The following MSH6 variants were observed in gnomAD, a reference collection of about 807,000 sequenced individuals.
The protein encoded by MSH6 is mutS homolog 6, also known as DNA mismatch repair protein Msh6.
A neutral mutation model predicts 119.1 loss-of-function variants in MSH6; 85 were observed. The observed-to-expected ratio is 0.71, with a 90% CI of 0.60 to 0.85. The LOEUF (loss-of-function observed/expected upper bound fraction) is 0.85, where lower values mean the gene tolerates loss of function less well. MSH6 is among the 40% of genes least tolerant of loss of function. The probability of loss-of-function intolerance (pLI) is 0.00; values close to 1 mark genes in which losing one functional copy is unlikely to be tolerated. For synonymous variants in MSH6, 830 were observed against 586.9 expected (o/e 1.41, Z -5.99); for missense variants, 2,163 against 1,655.3 (o/e 1.31, Z -5.32).
At chr2:47,793,563 C>T (rs551661867) in intron 2 of MSH6, among the ~76,000 whole-genome samples, 6 of 150,524 alleles carry the variant, frequency 4.0e-5, no homozygotes, top group African/African-American at 1.2e-4. Context: ...GCCGAGATCG[C>T]GCCACTGCAC....
chr2:47,790,376 G>A (rs1319254680), intron 1 of MSH6, among the ~76,000 whole-genome samples: 2 of 152,192 alleles, frequency 1.3e-5, no homozygotes, highest in South Asian at 2.1e-4. Flanking sequence ...CTCAGTTGTT[G>A]ACTTGAGTTT....
downstream of MSH6, chr2:47,809,847 C>T (rs1670487562): frequency 1.7e-6 from 1 of 571,714 alleles, no homozygotes; most frequent in African/African-American, 1.9e-5. Flanking sequence ...AATGTAGATA[C>T]CTATTTCAAC....
In MSH6 at chr2:47,804,990, G is replaced by C. The variant is rs2104508434; in HGVS notation, c.3519G>C (p.Val1173=). ...GCAGGCTCACACCAATTGATAGAGT[G>C]TTTACTAGACTTGGTGCCTCAGACA... ...EVCRLTPIDR[V]FTRLGASDRI... is the part of the protein sequence containing the mutation. The change falls in exon 6 of 10, where the codon GTG becomes GTC. Residue 1173 remains valine, a synonymous_variant. Transcript: ENST00000234420. 1 of 1,614,058 alleles carries C rather than the reference G, an allele frequency of 6.2e-7. No individual in the cohort carries two copies.
chr2:47,803,112 T>A (rs1287995264), intron 4 of MSH6, among the ~76,000 whole-genome samples: 2 of 152,122 alleles, frequency 1.3e-5, no homozygotes, highest in South Asian at 2.1e-4. Context: ...GAGACGAGGT[T>A]TCACCATGTT....
rs587782562 is a variant in MSH6, at chr2:47,803,577, T to TAATG, written c.3332_3335dup (p.Asp1112GlufsTer2). ...CTTTTTTTGGAGATGATTTTATTCC[T>TAATG]AATGACATTCTAATAGGCTGTGAGG... is the stretch of plus-strand genomic sequence containing the variant. On this transcript the variant is annotated frameshift_variant, in exon 5 of 10. Coordinates refer to ENST00000234420, the MANE Select transcript of MSH6 (RefSeq NM_000179.3). LOFTEE classifies it high-confidence loss of function. 2 of 1,614,070 alleles carry TAATG rather than the reference T, an allele frequency of 1.2e-6. No homozygotes were observed. The highest frequency in any genetic ancestry group is 1.7e-6 in the Non-Finnish European group (2 of 1,180,048).
At position 47,799,385 on chromosome 2, in the gene MSH6, C is replaced by G. The variant is rs369456858; in HGVS notation, c.1402C>G (p.Arg468Gly). The G allele has an allele frequency of 2.5e-6, 4 of 1,614,040 alleles. No homozygotes were observed. Among genetic ancestry groups the G allele is most frequent in the Non-Finnish European group, 3.4e-6 (4 of 1,180,004 alleles). Reference sequence around the variant, plus strand: ...TGGCTTTCCTGAAATTGCATTTGGCCGTTATTCAGATTCCCTGGTGCAGAA... The same window carrying G: ...TGGCTTTCCTGAAATTGCATTTGGCGGTTATTCAGATTCCCTGGTGCAGAA... ...HSGFPEIAFG[R>G]YSDSLVQKGY... Residue 468 changes from arginine to glycine, a missense_variant, in exon 4 of 10, where the codon CGT becomes GGT. Physicochemically the swap from Arg to Gly is moderately radical, Grantham distance 125 (BLOSUM62 -2). Transcript: ENST00000234420.
chr2:47,809,079 C>T (rs1230629631), downstream of MSH6: 7 of 871,066 alleles, frequency 8.0e-6, no homozygotes, highest in Non-Finnish European at 9.1e-6. Context: ...CGGCAAATAG[C>T]CAAAAATGCT....
At chr2:47,802,895 G>A (rs1310714857) in intron 4 of MSH6, among the ~76,000 whole-genome samples, 1 of 151,990 alleles carries the variant, frequency 6.6e-6, no homozygotes, top group Non-Finnish European at 1.5e-5. Flanking sequence ...AGTGTAGCAT[G>A]TTTCTGCTGT....
chr2:47,789,931 T>G (rs2104077500), intron 1 of MSH6, among the ~76,000 whole-genome samples: 1 of 152,244 alleles, frequency 6.6e-6, no homozygotes, highest in African/African-American at 2.4e-5. Context: ...CAAGCTGTCC[T>G]GCCTCGGCCT....
chr2:47,807,625 G>A (rs147067367), downstream of MSH6: 9 of 221,544 alleles, frequency 4.1e-5, no homozygotes, highest in African/African-American at 1.1e-4. Context: ...AACTACATGA[G>A]ATTAAAGCAT....
chr2:47,795,291 T>C (rs1455064320), intron 2 of MSH6, among the ~76,000 whole-genome samples: 1 of 152,114 alleles, frequency 6.6e-6, no homozygotes, highest in Non-Finnish European at 1.5e-5. Context: ...TGAATATTTA[T>C]TCCTTTTGTG....
Position 47,791,139 on chromosome 2 carries a change from G to A in MSH6, c.457+16G>A. On this transcript the variant is annotated intron_variant, in intron 2 of 9. Coordinates refer to ENST00000234420, the MANE Select transcript of MSH6 (RefSeq NM_000179.3). ...CCATATACAGGTAAGAGTCACTACT[G>A]CCATGTGTGTGTGTTTGTGTGTGTG... 1 of 1,608,362 alleles carries A rather than the reference G, an allele frequency of 6.2e-7. No individual in the cohort carries two copies. The highest frequency in any genetic ancestry group is 8.5e-7 in the Non-Finnish European group (1 of 1,175,430).
In MSH6 at chr2:47,791,058, TAC is replaced by T. The variant is rs1668698146; in HGVS notation, c.394_395del (p.Gln132ValfsTer3). On this transcript the variant is annotated frameshift_variant, in exon 2 of 10. Transcript: ENST00000234420. LOFTEE classifies it high-confidence loss of function. Reference sequence around the variant, plus strand: ...AAAGGGAAATCAGTCCGTGTTCATGTACAGTTTTTTGATGACAGCCCAACAAG... The same window carrying T: ...AAAGGGAAATCAGTCCGTGTTCATGTAGTTTTTTGATGACAGCCCAACAAG... 1.2e-6 allele frequency: 2 copies of T among 1,614,230 alleles called. No homozygotes were observed. Among genetic ancestry groups the T allele is most frequent in the South Asian group, 1.1e-5 (1 of 91,088 alleles).
rs1558667093 is a variant in MSH6 at position 47,800,878 on chromosome 2, G to C, written c.2895G>C (p.Arg965Ser). 2 of 1,612,418 alleles carry C rather than the reference G, an allele frequency of 1.2e-6. No individual in the cohort carries two copies. Among genetic ancestry groups the C allele is most frequent in the Non-Finnish European group, 1.7e-6 (2 of 1,179,440 alleles). ...LEKQRNRIGC[R>S]TIVYWGIGRN... ...AACAGCGCAACAGAATTGGCTGTAG[G>C]ACCATAGTCTATTGGGGGATTGGTA... The change falls in exon 4 of 10, where the codon AGG becomes AGC. Residue 965 changes from arginine (R) to serine (S), a missense_variant. Physicochemically the swap from Arg to Ser is moderately radical, Grantham distance 110. Transcript: ENST00000234420.
At chr2:47,788,435 A>G (rs1345067219) in intron 1 of MSH6, among the ~76,000 whole-genome samples, 2 of 143,828 alleles carry the variant, frequency 1.4e-5, no homozygotes, top group African/African-American at 5.1e-5. Flanking sequence ...TTATTTTTTT[A>G]GTAGAGATGG....
rs878853715 is a variant in MSH6, at chr2:47,800,208, A to G, written c.2225A>G (p.Asn742Ser). 5 of 1,614,178 alleles carry G rather than the reference A, an allele frequency of 3.1e-6. No homozygotes were observed. The highest frequency in any genetic ancestry group is 2.2e-5 in the East Asian group (1 of 44,886). The change falls in exon 4 of 10, where the codon AAC (asparagine) becomes AGC (serine). Residue 742 changes from asparagine to serine, a missense_variant. Asn to Ser is a conservative substitution (Grantham distance 46). Transcript: ENST00000234420. ...RMVLDAVTLNNLEIFLNGTNG... is the reference protein window; with the variant it reads ...RMVLDAVTLNSLEIFLNGTNG... Reference sequence around the variant, plus strand: ...GTGCTAGATGCAGTGACATTAAACAACTTGGAGATTTTTCTGAATGGAACA... The same window carrying G: ...GTGCTAGATGCAGTGACATTAAACAGCTTGGAGATTTTTCTGAATGGAACA...
Position 47,796,154 on chromosome 2 carries a change from A to G in MSH6, c.627+91A>G, listed in dbSNP as rs1045088197. On this transcript the variant is annotated intron_variant, in intron 3 of 9. Transcript: ENST00000234420. ...GTATTAACAAGATACCTTGTTTTAT[A>G]TATGTGTGTGTATATGTATTATTTT... 20 of 1,295,064 alleles carry G rather than the reference A, an allele frequency of 1.5e-5. No homozygotes were observed. The African/African-American group carries it at 2.5e-4, about 16-fold the overall frequency. 80.2% of individuals were successfully genotyped at this position (1,295,064 alleles called of 1,614,324 possible). A position where few individuals can be genotyped will look rare whatever the true frequency, so the allele number is the denominator to read the frequency against.
At chr2:47,796,550 A>T (rs1352761870) in intron 3 of MSH6, among the ~76,000 whole-genome samples, 1 of 152,230 alleles carries the variant, frequency 6.6e-6, no homozygotes, top group Non-Finnish European at 1.5e-5. Context: ...CCCCAGCTTT[A>T]TGCTTTTAAT....
At chr2:47,806,749 A>C (rs762575178) in intron 9 of MSH6, 30 bp from the exon 10 acceptor site, 3 of 1,473,236 alleles carry the variant, frequency 2.0e-6, no homozygotes, top group Admixed American at 1.8e-5. Context: ...AAAACAAAAA[A>C]ACTTTTTTTT....
Sources: gnomAD v4.1 joint callset for allele counts (sites outside exome capture counted in the v4.1 genomes callset) on GRCh38, gnomAD v4.1.1 for gene constraint, MANE v1.5 for transcripts, NCBI Gene and HGNC (gene_info 2026-07-23, HGNC 2026-07-21) for gene names.